BTC: variants seen among roughly 807,000 people sequenced by gnomAD.
The protein encoded by BTC is probetacellulin.
A neutral mutation model predicts 18.1 loss-of-function variants in BTC; 13 were observed. The ratio of observed to expected loss-of-function variants is 0.72; its 90% confidence interval spans 0.47 to 1.14. The LOEUF (loss-of-function observed/expected upper bound fraction) is 1.14. Among genes scored for constraint, BTC ranks in the 50% most tolerant of loss-of-function variants. The pLI, the probability that BTC is intolerant of heterozygous loss-of-function variation, is 0.00. For missense variants in BTC, 247 were observed against 224.2 expected (o/e 1.10, Z -0.65); for synonymous variants, 83 against 79.4 (o/e 1.05, Z -0.24).
At chr4:74,758,719 C>T (rs1187770757) in intron 2 of BTC, among the ~76,000 whole-genome samples, 1 of 152,188 alleles carries the variant, frequency 6.6e-6, no homozygotes, top group Non-Finnish European at 1.5e-5. Context: ...AGCCTTCGTT[C>T]ATCCAAGCAG....
At chr4:74,759,669 A>G (rs1394045506) in intron 2 of BTC, among the ~76,000 whole-genome samples, 1 of 152,002 alleles carries the variant, frequency 6.6e-6, no homozygotes, top group Non-Finnish European at 1.5e-5. Flanking sequence ...AAAAAAAAAA[A>G]AGAAACCTTT....
rs1724259960 is a variant in BTC, at chr4:74,745,244, G to A, written c.*1433C>T. ...TGGCTTAGCTTTTACTAATAGGGGA[G>A]CTATTTATGTATCATATGTAAGTAC... is the stretch of plus-strand genomic sequence containing the variant. On this transcript the variant is annotated 3_prime_UTR_variant, in exon 6 of 6. Transcript: ENST00000395743. 1 of 152,164 alleles carries A rather than the reference G, an allele frequency of 6.6e-6. No homozygotes were observed. The highest frequency in any genetic ancestry group is 6.5e-5 in the Admixed American group (1 of 15,268). 9.4% of individuals were successfully genotyped at this position (152,164 alleles called of 1,614,324 possible).
intron 3 of BTC, among the ~76,000 whole-genome samples, chr4:74,753,376 G>C (rs913341245): frequency 6.6e-6 from 1 of 152,148 alleles, no homozygotes; most frequent in Non-Finnish European, 1.5e-5. Flanking sequence ...GATGCACAGA[G>C]AAGTTAAGGG....
chr4:74,772,298 T>A (rs1189749021), intron 1 of BTC, among the ~76,000 whole-genome samples: 1 of 152,214 alleles, frequency 6.6e-6, no homozygotes, highest in Non-Finnish European at 1.5e-5. Flanking sequence ...GCAATTTGGC[T>A]ACCAAATTTC....
chr4:74,779,858 C>T (rs769895956), intron 1 of BTC, among the ~76,000 whole-genome samples: 9 of 152,062 alleles, frequency 5.9e-5, no homozygotes, highest in Non-Finnish European at 1.2e-4. Flanking sequence ...TCAATAAAAC[C>T]ATTTGCAGAG....
At chr4:74,750,040 G>T (rs1724417499) in intron 4 of BTC, among the ~76,000 whole-genome samples, 1 of 151,844 alleles carries the variant, frequency 6.6e-6, no homozygotes, top group Non-Finnish European at 1.5e-5. Flanking sequence ...AGGCTGCAGT[G>T]AGCTATGTTT....
chr4:74,786,334 C>T (rs1181580540), intron 1 of BTC, among the ~76,000 whole-genome samples: 1 of 152,124 alleles, frequency 6.6e-6, no homozygotes, highest in Admixed American at 6.6e-5. Context: ...CAGCTCACTC[C>T]AAAGATTAGA....
chr4:74,780,168 T>C (rs9997663), intron 1 of BTC, among the ~76,000 whole-genome samples: 27,137 of 152,110 alleles, frequency 0.18, 4,007 homozygotes, highest in African/African-American at 0.41. Context: ...ATTGATTTCA[T>C]TGTGTGGCCT....
Position 74,755,905 on chromosome 4 carries a change from T to A in BTC, c.235A>T (p.Lys79Ter). The change falls in exon 3 of 6, where the codon AAA (lysine) becomes TAA (stop). Residue 79 changes from lysine (K) to a stop codon, truncating the protein, a stop_gained. Coordinates refer to ENST00000395743, the MANE Select transcript of BTC (RefSeq NM_001729.4). LOFTEE classifies it high-confidence loss of function. ...GCCACCACGAAGCGGCATCTCCCTTTGATGCAGTAATGCTTGTATTGCTTG... is the reference window on the plus strand; with the variant it reads ...GCCACCACGAAGCGGCATCTCCCTTAGATGCAGTAATGCTTGTATTGCTTG... Reference protein sequence around the residue: ...CPKQYKHYCIKGRCRFVVAEQ... With the variant: ...CPKQYKHYCI The A allele has an allele frequency of 6.2e-7, 1 of 1,614,186 alleles. No individual in the cohort carries two copies. Among genetic ancestry groups the A allele is most frequent in the Non-Finnish European group, 8.5e-7 (1 of 1,180,026 alleles).
intron 1 of BTC, among the ~76,000 whole-genome samples, chr4:74,793,381 T>A (rs1296933222): frequency 6.6e-6 from 1 of 152,152 alleles, no homozygotes; most frequent in Non-Finnish European, 1.5e-5. Flanking sequence ...ATTTGTGGTG[T>A]CCCCTTCCCA....
chr4:74,764,216 T>G (rs1553957608), intron 2 of BTC, among the ~76,000 whole-genome samples: 1 of 151,950 alleles, frequency 6.6e-6, no homozygotes, highest in Admixed American at 6.6e-5. Flanking sequence ...AATGCAAAAA[T>G]GAGTATTTGA....
Position 74,786,967 on chromosome 4 carries a change from AT to A in BTC, c.64+7294del, listed in dbSNP as rs3087017. On this transcript the variant is annotated intron_variant, in intron 1 of 5. Transcript: ENST00000395743. The stretch of plus-strand genomic sequence containing the variant: ...CAGTGTTTTGCCAACAAGAAATACA[AT>A]TTTTTTTTTTTTTTACTTAACCTGT... 4.4e-3 allele frequency among the ~76,000 whole-genome samples: 632 copies of A among 144,418 alleles called. 6 individuals are homozygous for A. Among genetic ancestry groups the A allele is most frequent in the East Asian group, 0.03 (152 of 4,998 alleles). 94.7% of individuals were successfully genotyped at this position (144,418 alleles called of 152,430 possible). A position where few individuals can be genotyped will look rare whatever the true frequency, so the allele number is the denominator to read the frequency against.
intron 2 of BTC, 61 bp downstream of exon 2, chr4:74,769,997 A>G: frequency 4.5e-6 from 6 of 1,345,614 alleles, no homozygotes; most frequent in Middle Eastern, 3.6e-4. Flanking sequence ...TAGTATTATG[A>G]GTACTATTAT....
chr4:74,774,752 A>G (rs1023489511), intron 1 of BTC, among the ~76,000 whole-genome samples: 3 of 152,194 alleles, frequency 2.0e-5, no homozygotes, highest in South Asian at 2.1e-4. Context: ...TCTCAATGCC[A>G]TGTTGATTAG....
chr4:74,781,384 C>CGTGTGTGTGTGTGTGT (rs139134613), intron 1 of BTC, among the ~76,000 whole-genome samples: 2 of 126,478 alleles, frequency 1.6e-5, no homozygotes, highest in South Asian at 2.7e-4. Flanking sequence ...TCTCTCGTCA[C>CGTGTGTGTGTGTGTGT]GTGTGTGTGT....
intron 2 of BTC, among the ~76,000 whole-genome samples, chr4:74,757,221 A>G (rs1194237282): frequency 2.0e-5 from 3 of 152,230 alleles, no homozygotes; most frequent in Non-Finnish European, 4.4e-5. Flanking sequence ...CTTAATTAAT[A>G]TTATGAAAAG....
At chr4:74,753,437 C>A (rs1392850193) in intron 3 of BTC, among the ~76,000 whole-genome samples, 1 of 152,116 alleles carries the variant, frequency 6.6e-6, no homozygotes, top group East Asian at 1.9e-4. Context: ...CTCTTAACTG[C>A]ATAGTAAATG....
chr4:74,782,513 T>C (rs953856950), intron 1 of BTC, among the ~76,000 whole-genome samples: 2 of 152,208 alleles, frequency 1.3e-5, no homozygotes, highest in African/African-American at 4.8e-5. Flanking sequence ...TGATGGGCAT[T>C]TAGGCTGATT....
At chr4:74,793,764 C>T (rs1345067574) in intron 1 of BTC, among the ~76,000 whole-genome samples, 2 of 152,162 alleles carry the variant, frequency 1.3e-5, no homozygotes, top group African/African-American at 2.4e-5. Flanking sequence ...TCTTCCCTAA[C>T]GCCAGGTGAT....
Sources: gnomAD v4.1 joint callset for allele counts (sites outside exome capture counted in the v4.1 genomes callset) on GRCh38, gnomAD v4.1.1 for gene constraint, MANE v1.5 for transcripts, NCBI Gene and HGNC (gene_info 2026-07-23, HGNC 2026-07-21) for gene names.